Variants in PARPBP observed in about 807,000 individuals in gnomAD.
PARPBP encodes the protein PCNA-interacting partner.
A neutral mutation model predicts 50.0 loss-of-function variants in PARPBP; 52 were observed. The ratio of observed to expected loss-of-function variants is 1.04; its 90% CI spans 0.83 to 1.31. The LOEUF (loss-of-function observed/expected upper bound fraction) is 1.31, where lower values mean the gene tolerates loss of function less well. PARPBP is among the 50% of genes most tolerant of loss of function. The pLI, the probability that PARPBP is intolerant of heterozygous loss-of-function variation, is 0.00. For synonymous variants in PARPBP, 244 were observed against 232.1 expected, an observed-to-expected ratio of 1.05 and a Z score of -0.47; for missense variants, 697 against 672.0, an observed-to-expected ratio of 1.04 and a Z score of -0.41.
chr12:102,147,524 A>T (rs141361473), intron 2 of PARPBP, among the ~76,000 whole-genome samples: 2 of 135,854 alleles, frequency 1.5e-5, no homozygotes, highest in Admixed American at 8.4e-5. Context: ...ATGAGAACAC[A>T]TGGACACAGG....
intron 6 of PARPBP, 143 bp from the exon 7 acceptor site, chr12:102,175,340 T>A (rs1797925871): frequency 2.0e-6 from 1 of 489,470 alleles, no homozygotes; most frequent in Non-Finnish European, 3.5e-6. Flanking sequence ...CTTATCTTTT[T>A]CTTAAATGCT....
chr12:102,139,475 T>C (rs1884205401), intron 2 of PARPBP, among the ~76,000 whole-genome samples: 1 of 152,220 alleles, frequency 6.6e-6, no homozygotes, highest in Admixed American at 6.5e-5. Flanking sequence ...ACCCTTTATT[T>C]CTTTCTCCTG....
chr12:102,197,135 G>T lies in PARPBP; in HGVS notation c.*844G>T. The T allele has an allele frequency of 6.2e-7, 1 of 1,612,060 alleles. No homozygotes were observed. Among genetic ancestry groups the T allele is most frequent in the South Asian group, 1.1e-5 (1 of 91,024 alleles). On this transcript the variant is annotated 3_prime_UTR_variant, in exon 11 of 11. Transcript: ENST00000327680. ...GGTTTTATAGCCAGATTCAGTGGCAGACCATGATTTAAGAAATTATGTTTG... is the reference window on the plus strand; with the variant it reads ...GGTTTTATAGCCAGATTCAGTGGCATACCATGATTTAAGAAATTATGTTTG...
intron 2 of PARPBP, among the ~76,000 whole-genome samples, chr12:102,125,244 G>A (rs1881805092): frequency 6.6e-6 from 1 of 152,160 alleles, no homozygotes; most frequent in South Asian, 2.1e-4. Context: ...TCTAGGGAGA[G>A]ATAGCTAGTA....
chr12:102,147,072 G>A (rs555086807), intron 2 of PARPBP, among the ~76,000 whole-genome samples: 32 of 152,242 alleles, frequency 2.1e-4, no homozygotes, highest in African/African-American at 7.2e-4. Context: ...GATACAACAC[G>A]TGCTGGAGAG....
chr12:102,167,051 A>G (rs538189762), intron 6 of PARPBP, among the ~76,000 whole-genome samples: 38 of 152,214 alleles, frequency 2.5e-4, no homozygotes, highest in Non-Finnish European at 4.6e-4. Flanking sequence ...GCCCTTGAAG[A>G]TATTCCTTCT....
intron 2 of PARPBP, among the ~76,000 whole-genome samples, chr12:102,129,994 A>G (rs1267324923): frequency 2.6e-5 from 4 of 152,240 alleles, no homozygotes; most frequent in Non-Finnish European, 4.4e-5. Context: ...TTCAAACTGT[A>G]TTAAAGGGCT....
intron 2 of PARPBP, among the ~76,000 whole-genome samples, chr12:102,133,074 G>A (rs567740520): frequency 1.3e-5 from 2 of 152,146 alleles, no homozygotes; most frequent in South Asian, 4.1e-4. Flanking sequence ...CTGTATATAA[G>A]AACATGTTAT....
intron 2 of PARPBP, among the ~76,000 whole-genome samples, chr12:102,140,396 A>T (rs984905269): frequency 6.6e-6 from 1 of 152,082 alleles, no homozygotes; most frequent in Non-Finnish European, 1.5e-5. Flanking sequence ...TAGTCTTACT[A>T]GTGGTCCATC....
At chr12:102,191,103 A>G (rs561015433) in intron 9 of PARPBP, among the ~76,000 whole-genome samples, 2 of 152,310 alleles carry the variant, frequency 1.3e-5, no homozygotes, top group Non-Finnish European at 1.5e-5. Flanking sequence ...TGGATATTTT[A>G]TATCCCTCAT....
chr12:102,144,472 T>C (rs1445589348), intron 2 of PARPBP, among the ~76,000 whole-genome samples: 1 of 152,202 alleles, frequency 6.6e-6, no homozygotes, highest in Non-Finnish European at 1.5e-5. Flanking sequence ...TAATAGAATA[T>C]GCTGTCATGG....
chr12:102,196,605 TA>T lies in PARPBP; in HGVS notation c.*317del, dbSNP rs1891331478. On this transcript the variant is annotated 3_prime_UTR_variant, in exon 11 of 11. Transcript: ENST00000327680. Reference sequence around the variant, plus strand: ...ATGGGCTTCTCCTCCCATTGGCAATTAAATGCTTTTATTTTCTTCTGAAAAG... The same window carrying T: ...ATGGGCTTCTCCTCCCATTGGCAATTAATGCTTTTATTTTCTTCTGAAAAG... 2.1e-6 allele frequency: 3 copies of T among 1,416,556 alleles called. No individual in the cohort carries two copies. The highest frequency in any genetic ancestry group is 1.4e-5 in the African/African-American group (1 of 71,052). The allele number at this position is 1,416,556 out of a possible 1,614,324, so 87.7% of individuals were successfully genotyped here. A position where few individuals can be genotyped will look rare whatever the true frequency, so the allele number is the denominator to read the frequency against.
chr12:102,129,905 A>G lies in PARPBP; in HGVS notation c.153+5864A>G, dbSNP rs1014546307. ...TAGAAAAAGCTCTTTTAAAATTCCTATGGAACCCAAAAAGACCCCAAATAG... is the reference window on the plus strand; with the variant it reads ...TAGAAAAAGCTCTTTTAAAATTCCTGTGGAACCCAAAAAGACCCCAAATAG... On this transcript the variant is annotated intron_variant, in intron 2 of 10. Transcript: ENST00000327680. Among the ~76,000 whole-genome samples the G allele has an allele frequency of 3.9e-5, 6 of 152,344 alleles. 1 individual carries two copies. Among genetic ancestry groups the G allele is most frequent in the East Asian group, 3.9e-4 (2 of 5,192 alleles).
chr12:102,167,308 A>G (rs915370696), intron 6 of PARPBP, among the ~76,000 whole-genome samples: 1 of 152,064 alleles, frequency 6.6e-6, no homozygotes, highest in Admixed American at 6.6e-5. Context: ...GTCATGTTTC[A>G]TTTATTTCTC....
intron 2 of PARPBP, among the ~76,000 whole-genome samples, chr12:102,144,799 T>C (rs1363074643): frequency 6.6e-6 from 1 of 152,204 alleles, no homozygotes; most frequent in East Asian, 1.9e-4. Flanking sequence ...TTGGAAATTT[T>C]CTGATGTGTA....
At chr12:102,158,989 C>G (rs1446265785) in intron 4 of PARPBP, among the ~76,000 whole-genome samples, 2 of 152,118 alleles carry the variant, frequency 1.3e-5, no homozygotes, top group African/African-American at 4.8e-5. Flanking sequence ...ATTATATTTT[C>G]TAATAGAATT....
rs573802792 is a variant in PARPBP, at chr12:102,197,393, G to C, written c.*1102G>C. On this transcript the variant is annotated 3_prime_UTR_variant, in exon 11 of 11. Coordinates refer to ENST00000327680, the MANE Select transcript of PARPBP (RefSeq NM_017915.5). The stretch of plus-strand genomic sequence containing the variant: ...TGGCATGTAAGAAATATCGTCAGTC[G>C]TCCTAATGCATATTGTGACTGTTTG... 11 of 892,912 alleles carry C rather than the reference G, an allele frequency of 1.2e-5. No individual in the cohort carries two copies. The African/African-American group carries it at 1.7e-4, about 14-fold the overall frequency. The allele number at this position is 892,912 out of a possible 1,614,324, so 55.3% of individuals were successfully genotyped here. A position where few individuals can be genotyped will look rare whatever the true frequency, so the allele number is the denominator to read the frequency against.
intron 2 of PARPBP, among the ~76,000 whole-genome samples, chr12:102,139,201 C>T (rs551552464): frequency 2.4e-4 from 36 of 152,128 alleles, no homozygotes; most frequent in Non-Finnish European, 4.9e-4. Context: ...AGAGGTCCTT[C>T]ACATCCCTTG....
At chr12:102,192,734 G>A (rs1456993476) in intron 9 of PARPBP, among the ~76,000 whole-genome samples, 3 of 151,808 alleles carry the variant, frequency 2.0e-5, no homozygotes, top group Admixed American at 2.0e-4. Flanking sequence ...CCTCCCAGCT[G>A]TTTGTCAATA....
Sources: allele counts gnomAD v4.1 joint callset (sites outside exome capture counted in the v4.1 genomes callset), GRCh38; gene constraint gnomAD v4.1.1; transcripts MANE v1.5; gene names NCBI Gene and HGNC (gene_info 2026-07-23, HGNC 2026-07-21).